The following UXS1 variants were observed in gnomAD, a reference collection of about 807,000 sequenced individuals.
UXS1 encodes the protein UDP-glucuronic acid decarboxylase 1.
Under a neutral mutation model 62.6 loss-of-function variants are expected in UXS1, and 33 were observed. The ratio of observed to expected loss-of-function variants is 0.53; its 90% CI spans 0.40 to 0.70. The LOEUF (loss-of-function observed/expected upper bound fraction) is 0.70, where lower values mean the gene tolerates loss of function less well. Among genes scored for constraint, UXS1 ranks in the 30% least tolerant of loss-of-function variants. UXS1 has a pLI of 0.00. For missense variants in UXS1, 434 were observed against 556.3 expected (o/e 0.78, Z 2.21); for synonymous variants, 213 against 206.8 (o/e 1.03, Z -0.26).
At chr2:106,127,064 G>A (rs1461953848) in intron 7 of UXS1, among the ~76,000 whole-genome samples, 2 of 152,216 alleles carry the variant, frequency 1.3e-5, no homozygotes, top group Non-Finnish European at 2.9e-5. Context: ...GCTGCAGTGT[G>A]TATCAAAGTT....
At chr2:106,117,787 G>A (rs775922017) in intron 9 of UXS1, among the ~76,000 whole-genome samples, 1 of 152,202 alleles carries the variant, frequency 6.6e-6, no homozygotes, top group African/African-American at 2.4e-5. Context: ...ACTCCCCTAG[G>A]GCCTGTCATG....
intron 10 of UXS1, among the ~76,000 whole-genome samples, chr2:106,110,867 G>GT (rs1678532831): frequency 6.6e-6 from 1 of 152,166 alleles, no homozygotes. Context: ...CATGGTTATG[G>GT]TAACTAGCCT....
chr2:106,140,111 C>G (rs927953676), intron 6 of UXS1, among the ~76,000 whole-genome samples: 6 of 152,218 alleles, frequency 3.9e-5, no homozygotes, highest in Non-Finnish European at 8.8e-5. Flanking sequence ...AGCAGAACAG[C>G]AAGATTTTCC....
intron 6 of UXS1, among the ~76,000 whole-genome samples, chr2:106,141,631 T>C (rs543887877): frequency 5.9e-5 from 9 of 152,088 alleles, no homozygotes; most frequent in Admixed American, 4.6e-4. Context: ...GTAATTTTTG[T>C]AGAGACAGGG....
intron 9 of UXS1, among the ~76,000 whole-genome samples, chr2:106,118,276 T>C (rs1248207845): frequency 6.6e-6 from 1 of 151,884 alleles, no homozygotes; most frequent in African/African-American, 2.4e-5. Flanking sequence ...TCCGACTTTT[T>C]CAAAAGTACT....
At chr2:106,186,036 G>A (rs188098687) in intron 1 of UXS1, among the ~76,000 whole-genome samples, 193 of 152,294 alleles carry the variant, frequency 1.3e-3, no homozygotes, top group African/African-American at 4.3e-3. Flanking sequence ...GAAGAAAAAG[G>A]GAGGGAAAGT....
chr2:106,111,501 C>G (rs1363107038), intron 10 of UXS1, among the ~76,000 whole-genome samples: 1 of 152,194 alleles, frequency 6.6e-6, no homozygotes, highest in African/African-American at 2.4e-5. Context: ...GGTAGCGGAG[C>G]AGCCAACACA....
intron 1 of UXS1, among the ~76,000 whole-genome samples, chr2:106,173,291 G>C (rs935581921): frequency 6.6e-6 from 1 of 152,228 alleles, no homozygotes; most frequent in Non-Finnish European, 1.5e-5. Context: ...GCTGGGTGTG[G>C]TGGCTGATGC....
intron 9 of UXS1, among the ~76,000 whole-genome samples, chr2:106,120,934 C>A (rs191327607): frequency 1.3e-5 from 2 of 152,196 alleles, no homozygotes; most frequent in Non-Finnish European, 2.9e-5. Context: ...GCTGACCACA[C>A]GGGGGGCTTC....
intron 5 of UXS1, among the ~76,000 whole-genome samples, chr2:106,150,207 G>C (rs1204732588): frequency 6.6e-6 from 1 of 152,152 alleles, no homozygotes; most frequent in East Asian, 1.9e-4. Context: ...ATGATTTAAA[G>C]ACAGATTGTA....
intron 14 of UXS1, among the ~76,000 whole-genome samples, chr2:106,094,651 T>G (rs1204230116): frequency 6.6e-6 from 1 of 152,288 alleles, no homozygotes; most frequent in East Asian, 1.9e-4. Flanking sequence ...ATGGCCCACT[T>G]GCACCCCCAC....
At chr2:106,190,184 T>G (rs952764614) in intron 1 of UXS1, among the ~76,000 whole-genome samples, 1 of 152,202 alleles carries the variant, frequency 6.6e-6, no homozygotes, top group South Asian at 2.1e-4. Flanking sequence ...CAGCCAATTA[T>G]TCGCTGGAGA....
chr2:106,100,003 A>C (rs1677462869), intron 12 of UXS1, among the ~76,000 whole-genome samples: 1 of 152,246 alleles, frequency 6.6e-6, no homozygotes, highest in Non-Finnish European at 1.5e-5. Flanking sequence ...GCATAAGCAA[A>C]GGTGACATGG....
At chr2:106,114,269 T>C (rs1678884693) in intron 9 of UXS1, among the ~76,000 whole-genome samples, 1 of 152,230 alleles carries the variant, frequency 6.6e-6, no homozygotes, top group Admixed American at 6.5e-5. Flanking sequence ...AGTGCTTTAT[T>C]TGTGCTAATT....
intron 10 of UXS1, 90 bp from the exon 11 acceptor site, chr2:106,104,927 T>C (rs1677930834): frequency 2.0e-6 from 3 of 1,500,364 alleles, no homozygotes; most frequent in South Asian, 2.3e-5. Context: ...CAGTCCGACC[T>C]TGAAACTGAT....
chr2:106,111,367 G>A (rs1036349983), intron 10 of UXS1, among the ~76,000 whole-genome samples: 8 of 152,154 alleles, frequency 5.3e-5, no homozygotes, highest in African/African-American at 1.9e-4. Context: ...GCTGTTGGGA[G>A]CCTAAAGCTG....
chr2:106,111,061 C>G (rs1678560321), intron 10 of UXS1, among the ~76,000 whole-genome samples: 1 of 152,186 alleles, frequency 6.6e-6, no homozygotes, highest in African/African-American at 2.4e-5. Context: ...AGCTGCAGAG[C>G]CACTTGAGCT....
intron 6 of UXS1, among the ~76,000 whole-genome samples, chr2:106,144,886 A>T (rs1019786138): frequency 6.6e-6 from 1 of 152,126 alleles, no homozygotes; most frequent in African/African-American, 2.4e-5. Context: ...CAACATATGA[A>T]TTTGGGGTGA....
intron 5 of UXS1, among the ~76,000 whole-genome samples, chr2:106,151,148 C>T (rs1282292889): frequency 1.3e-5 from 2 of 152,148 alleles, no homozygotes; most frequent in East Asian, 1.9e-4. Flanking sequence ...TAGGATGAAT[C>T]GTGTCTTGAA....
Sources: allele counts gnomAD v4.1 joint callset (sites outside exome capture counted in the v4.1 genomes callset), GRCh38; gene constraint gnomAD v4.1.1; transcripts MANE v1.5; gene names NCBI Gene and HGNC (gene_info 2026-07-23, HGNC 2026-07-21).